The following OR11A1 variants were observed in gnomAD, a reference collection of about 807,000 sequenced individuals.
OR11A1 encodes olfactory receptor 11A1.
For missense variants in OR11A1, 380 were observed against 378.2 expected (o/e 1.00, Z -0.04); for synonymous variants, 158 against 152.2 (o/e 1.04, Z -0.28).
At chr6:29,430,527 C>A in intron 2 of OR11A1, 102 bp from the exon 3 acceptor site, 1 of 731,972 alleles carries the variant, frequency 1.4e-6, no homozygotes, top group African/African-American at 1.9e-5. Context: ...ATCATTGGAG[C>A]TGGAGGCTAT....
Position 29,436,769 on chromosome 6 carries a change from C to A in OR11A1, c.-388-4782G>T, listed in dbSNP as rs547117517. On this transcript the variant is annotated intron_variant, in intron 1 of 4. Coordinates refer to ENST00000377149, the MANE Select transcript of OR11A1 (RefSeq NM_001394828.1). ...GTTATAGAATAGGTTAGTCATAGAG[C>A]CAGCATTAAAACCCTGGCCTAGTTC... 3.9e-5 allele frequency among the ~76,000 whole-genome samples: 6 copies of A among 152,300 alleles called. No individual in the cohort carries two copies. In the South Asian group the frequency reaches 6.2e-4, roughly 16 times the overall value.
chr6:29,442,308 G>T (rs752453409), intron 1 of OR11A1, among the ~76,000 whole-genome samples: 2 of 152,114 alleles, frequency 1.3e-5, no homozygotes, highest in Non-Finnish European at 2.9e-5. Flanking sequence ...CAAATATAAG[G>T]GCTATGATAT....
chr6:29,439,995 A>G (rs1474340219), intron 1 of OR11A1: 2 of 1,592,646 alleles, frequency 1.3e-6, no homozygotes, highest in Non-Finnish European at 1.7e-6. Context: ...TTTGTCTTCC[A>G]GTCAAAGGTA....
At chr6:29,456,549 A>G (rs1185190169) in intron 1 of OR11A1, among the ~76,000 whole-genome samples, 1 of 152,168 alleles carries the variant, frequency 6.6e-6, no homozygotes, top group East Asian at 1.9e-4. Context: ...TAAAAGCTAT[A>G]ATGAGATATC....
chr6:29,442,661 G>A (rs1582582788), intron 1 of OR11A1, among the ~76,000 whole-genome samples: 1 of 151,964 alleles, frequency 6.6e-6, no homozygotes, highest in East Asian at 1.9e-4. Context: ...AAAGACAAAG[G>A]TGTTACTCCC....
At chr6:29,446,431 G>A (rs915258466) in intron 1 of OR11A1, among the ~76,000 whole-genome samples, 4 of 152,080 alleles carry the variant, frequency 2.6e-5, no homozygotes, top group South Asian at 2.1e-4. Flanking sequence ...AGCATTTTCT[G>A]GATGTTTCCT....
chr6:29,443,067 G>A (rs1436874269), intron 1 of OR11A1, among the ~76,000 whole-genome samples: 2 of 152,292 alleles, frequency 1.3e-5, no homozygotes, highest in Admixed American at 6.5e-5. Flanking sequence ...CTCAGTGATA[G>A]GAATCACTGT....
chr6:29,449,860 C>T lies in OR11A1; in HGVS notation c.-389+7127G>A, dbSNP rs1039084926. 3.3e-5 allele frequency among the ~76,000 whole-genome samples: 5 copies of T among 152,092 alleles called. No individual in the cohort carries two copies. The East Asian group carries it at 7.7e-4, about 24-fold the overall frequency. ...CCATGTTGGCCAGGCTGGTCTTGAA[C>T]TCCTGACCTCAGGTGATCTGCCTGC... On this transcript the variant is annotated intron_variant, in intron 1 of 4. Coordinates refer to ENST00000377149, the MANE Select transcript of OR11A1 (RefSeq NM_001394828.1).
At chr6:29,451,714 C>G (rs1785403387) in intron 1 of OR11A1, among the ~76,000 whole-genome samples, 1 of 152,178 alleles carries the variant, frequency 6.6e-6, no homozygotes, top group African/African-American at 2.4e-5. Flanking sequence ...GGAATGCTTA[C>G]ACACTGCTGC....
At chr6:29,436,482 A>G (rs1582555932) in intron 1 of OR11A1, among the ~76,000 whole-genome samples, 1 of 152,150 alleles carries the variant, frequency 6.6e-6, no homozygotes, top group East Asian at 1.9e-4. Context: ...ATGATCAACG[A>G]TATATATTAT....
At chr6:29,455,303 A>G (rs1785956822) in intron 1 of OR11A1, among the ~76,000 whole-genome samples, 2 of 152,170 alleles carry the variant, frequency 1.3e-5, no homozygotes, top group Admixed American at 1.3e-4. Flanking sequence ...GAACTCATAT[A>G]CTTTTATCAT....
chr6:29,439,428 A>C (rs923994845), intron 1 of OR11A1: 6 of 152,338 alleles, frequency 3.9e-5, no homozygotes, highest in African/African-American at 1.4e-4. Flanking sequence ...AAAAGAGAGG[A>C]TCTTTCTCAT....
chr6:29,455,982 C>T (rs1398657219), intron 1 of OR11A1, among the ~76,000 whole-genome samples: 1 of 150,564 alleles, frequency 6.6e-6, no homozygotes, highest in African/African-American at 2.4e-5. Context: ...TGTAACTCAG[C>T]ACTTTGGGAG....
rs780939216 is a variant in OR11A1 at position 29,440,581 on chromosome 6, G to C, written c.-388-8594C>G. 8.1e-6 allele frequency: 13 copies of C among 1,613,762 alleles called. No homozygotes were observed. In the African/African-American group the frequency reaches 1.6e-4, roughly 20 times the overall value. On this transcript the variant is annotated intron_variant, in intron 1 of 4. Coordinates refer to ENST00000377149, the MANE Select transcript of OR11A1 (RefSeq NM_001394828.1). The stretch of plus-strand genomic sequence containing the variant: ...CAGCCTGTCCTGCAGCTGGTATGTG[G>C]AGACACCTCGCTTAATGAACTGCAG...
At position 29,431,895 on chromosome 6, in the gene OR11A1, G is replaced by T; in HGVS notation, c.-296C>A. ...TATCGACCCTGTTCTCTAAAGACAG[G>T]ACTGTGAGGAGGAGATGATCTGCTA... is the stretch of plus-strand genomic sequence containing the variant. On this transcript the variant is annotated 5_prime_UTR_variant, in exon 2 of 5. Transcript: ENST00000377149. 1 of 985,308 alleles carries T rather than the reference G, an allele frequency of 1.0e-6. No individual in the cohort carries two copies. Among genetic ancestry groups the T allele is most frequent in the Non-Finnish European group, 1.2e-6 (1 of 829,886 alleles). The allele number at this position is 985,308 out of a possible 1,614,324, so 61.0% of individuals were successfully genotyped here. A position where few individuals can be genotyped will look rare whatever the true frequency, so the allele number is the denominator to read the frequency against.
chr6:29,444,771 T>C (rs1038852645), intron 1 of OR11A1, among the ~76,000 whole-genome samples: 4 of 151,964 alleles, frequency 2.6e-5, no homozygotes, highest in African/African-American at 9.7e-5. Context: ...CCATATTGAG[T>C]CTTCCCCCAC....
intron 1 of OR11A1, among the ~76,000 whole-genome samples, chr6:29,446,483 T>C (rs1402982803): frequency 6.6e-6 from 1 of 152,204 alleles, no homozygotes; most frequent in Non-Finnish European, 1.5e-5. Flanking sequence ...GCCAGGGGCC[T>C]GGAAAGCCAA....
intron 1 of OR11A1, among the ~76,000 whole-genome samples, chr6:29,454,533 C>G (rs1291512501): frequency 6.6e-6 from 1 of 152,066 alleles, no homozygotes; most frequent in Non-Finnish European, 1.5e-5. Context: ...ATTGACAGAG[C>G]CACTTTGGAA....
chr6:29,426,801 C>T lies in OR11A1; in HGVS notation c.841G>A (p.Val281Met). 1 of 1,613,120 alleles carries T rather than the reference C, an allele frequency of 6.2e-7. No homozygotes were observed. Among genetic ancestry groups the T allele is most frequent in the Non-Finnish European group, 8.5e-7 (1 of 1,180,026 alleles). ...ACAGGATTGAAGAGAGGGGTGACCA[C>T]AGTGTAGAGCAGGGAGAAGACCTTG... ...LSKVFSLLYT[V>M]VTPLFNPVIY... Residue 281 changes from valine (V) to methionine (M), a missense_variant, in exon 5 of 5, where the codon GTG becomes ATG. By Grantham distance (21) the Val-to-Met change is conservative. Transcript: ENST00000377149.
Sources: allele counts gnomAD v4.1 joint callset (sites outside exome capture counted in the v4.1 genomes callset), GRCh38; gene constraint gnomAD v4.1.1; transcripts MANE v1.5; gene names NCBI Gene and HGNC (gene_info 2026-07-23, HGNC 2026-07-21).